The following TMEM232 variants were observed in gnomAD, a reference collection of about 807,000 sequenced individuals.
The protein encoded by TMEM232 is transmembrane protein 232.
Under a neutral mutation model 78.8 loss-of-function variants are expected in TMEM232, and 80 were observed. The observed-to-expected ratio is 1.01, with a 90% confidence interval of 0.85 to 1.22. The LOEUF (loss-of-function observed/expected upper bound fraction) is 1.22, where lower values mean the gene tolerates loss of function less well. TMEM232 is among the 50% of genes most tolerant of loss of function. TMEM232 has a pLI of 0.00. For synonymous variants in TMEM232, 297 were observed against 254.3 expected, an observed-to-expected ratio of 1.17 and a Z score of -1.60; for missense variants, 881 against 742.2, an observed-to-expected ratio of 1.19 and a Z score of -2.17.
At position 110,618,463 on chromosome 5, in the gene TMEM232, C is replaced by T. The variant is rs61978570; in HGVS notation, c.868G>A (p.Val290Ile). The T allele has an allele frequency of 0.019, 29,083 of 1,551,222 alleles. 327 individuals are homozygous for T. The highest frequency in any genetic ancestry group is 0.03 in the African/African-American group (2,164 of 73,092). The part of the protein sequence containing the change: ...PQLNNVLEHL[V>I]FHKTQLQKKC... ...TTTTGAAGCTGTGTCTTATGGAAGA[C>T]GAGATGTTCAAGCACGTTATTCAAC... Residue 290 changes from valine to isoleucine, a missense_variant, in exon 8 of 14, where the codon GTC (valine) becomes ATC (isoleucine). Physicochemically the swap from Val to Ile is conservative, Grantham distance 29. Transcript: ENST00000455884.
chr5:110,564,086 C>A (rs1473756089), intron 11 of TMEM232, among the ~76,000 whole-genome samples: 2 of 152,032 alleles, frequency 1.3e-5, no homozygotes, highest in African/African-American at 4.8e-5. Context: ...ATAAACTGGG[C>A]AGATTAAATT....
chr5:110,619,412 A>G (rs1014320235), intron 7 of TMEM232, among the ~76,000 whole-genome samples: 8 of 152,186 alleles, frequency 5.3e-5, no homozygotes, highest in South Asian at 4.1e-4. Flanking sequence ...AGTTTCTAAT[A>G]AAGTGTTTAG....
At position 110,427,213 on chromosome 5, in the gene TMEM232, T is replaced by C. The variant is rs149793393; in HGVS notation, c.1704-2297A>G. Among the ~76,000 whole-genome samples, 200 of 152,090 alleles carry C rather than the reference T, an allele frequency of 1.3e-3. 1 individual carries two copies. The highest frequency in any genetic ancestry group is 4.7e-3 in the African/African-American group (197 of 41,542). On this transcript the variant is annotated intron_variant, in intron 12 of 13. Transcript: ENST00000455884. ...CAAAGCAAATTCTGGTTTTACTACT[T>C]AGTGTTATTTAATCCCTCTGTTCTT...
At chr5:110,561,609 C>T (rs1187412305) in intron 11 of TMEM232, among the ~76,000 whole-genome samples, 1 of 151,930 alleles carries the variant, frequency 6.6e-6, no homozygotes, top group African/African-American at 2.4e-5. Context: ...TATCAAAAAC[C>T]CTTTTGTATG....
At chr5:110,630,788 A>G (rs961802437) in intron 5 of TMEM232, among the ~76,000 whole-genome samples, 2 of 152,134 alleles carry the variant, frequency 1.3e-5, no homozygotes, top group Non-Finnish European at 2.9e-5. Flanking sequence ...TCGGCTGGGA[A>G]CACATAGGGG....
chr5:110,601,288 G>A (rs759950278), intron 10 of TMEM232, among the ~76,000 whole-genome samples: 1 of 152,098 alleles, frequency 6.6e-6, no homozygotes, highest in South Asian at 2.1e-4. Flanking sequence ...CATAGTATTG[G>A]AAGTTCTGGC....
chr5:110,469,979 C>T (rs910856925), intron 12 of TMEM232, among the ~76,000 whole-genome samples: 1 of 152,102 alleles, frequency 6.6e-6, no homozygotes, highest in African/African-American at 2.4e-5. Context: ...CTCCCTGCCC[C>T]CCCGGAACCC....
At position 110,468,856 on chromosome 5, in the gene TMEM232, TAACTA is replaced by T. The variant is rs139518180; in HGVS notation, c.1704-43945_1704-43941del. ...ATTAACAACTATATTTGGATAAAAA[TAACTA>T]AAGGAGAGTACTGGAATATGTCAAA... On this transcript the variant is annotated intron_variant, in intron 12 of 13. Coordinates refer to ENST00000455884, the MANE Select transcript of TMEM232 (RefSeq NM_001039763.4). 1.5e-3 allele frequency among the ~76,000 whole-genome samples: 223 copies of T among 152,152 alleles called. 4 individuals are homozygous for T. The East Asian group carries it at 0.037, about 25-fold the overall frequency.
intron 10 of TMEM232, among the ~76,000 whole-genome samples, chr5:110,573,806 G>C (rs1777239945): frequency 6.6e-6 from 1 of 152,048 alleles, no homozygotes; most frequent in South Asian, 2.1e-4. Context: ...TCCAAGAGTG[G>C]AGGATGAAAA....
At chr5:110,399,725 G>A (rs774362508) in intron 2 of TMEM232, among the ~76,000 whole-genome samples, 19 of 152,008 alleles carry the variant, frequency 1.2e-4, no homozygotes, top group Non-Finnish European at 2.1e-4. Context: ...CATCAGCTTC[G>A]AAATGACTTC....
At chr5:110,479,375 A>G (rs142445381) in intron 12 of TMEM232, among the ~76,000 whole-genome samples, 3,304 of 151,916 alleles carry the variant, frequency 0.022, 38 homozygotes, top group Admixed American at 0.025. Flanking sequence ...AAGTGAATGC[A>G]TTCTATTAAA....
At chr5:110,534,980 C>G (rs1379971571) in intron 11 of TMEM232, among the ~76,000 whole-genome samples, 2 of 152,094 alleles carry the variant, frequency 1.3e-5, no homozygotes, top group African/African-American at 4.8e-5. Context: ...TATAAGTTCC[C>G]ACACCGCCCC....
intron 1 of TMEM232, among the ~76,000 whole-genome samples, chr5:110,716,756 T>C (rs1797057278): frequency 6.6e-6 from 1 of 152,116 alleles, no homozygotes; most frequent in Non-Finnish European, 1.5e-5. Context: ...TGTCACTCTT[T>C]TTGCCAACTA....
At chr5:110,696,978 C>T (rs1046380353) in intron 1 of TMEM232, among the ~76,000 whole-genome samples, 11 of 152,096 alleles carry the variant, frequency 7.2e-5, no homozygotes, top group African/African-American at 2.7e-4. Flanking sequence ...AGAAAAGAGC[C>T]CGCATTGCCA....
At chr5:110,409,681 T>A (rs1755917688) in intron 2 of TMEM232, among the ~76,000 whole-genome samples, 1 of 152,190 alleles carries the variant, frequency 6.6e-6, no homozygotes, top group Non-Finnish European at 1.5e-5. Flanking sequence ...TTGAGTATCT[T>A]TAGCTCTTGC....
At chr5:110,685,696 GC>G (rs1793311854) in intron 1 of TMEM232, among the ~76,000 whole-genome samples, 1 of 152,108 alleles carries the variant, frequency 6.6e-6, no homozygotes, top group Admixed American at 6.6e-5. Flanking sequence ...GTACAAGAAT[GC>G]CTATAGTACT....
chr5:110,673,454 TA>T (rs764050754), intron 1 of TMEM232, among the ~76,000 whole-genome samples: 51 of 147,228 alleles, frequency 3.5e-4, no homozygotes, highest in Admixed American at 5.4e-4. Flanking sequence ...AAAGTATAAC[TA>T]AAAAAAAAAG....
intron 7 of TMEM232, among the ~76,000 whole-genome samples, chr5:110,619,258 C>T (rs546993949): frequency 6.6e-6 from 1 of 152,212 alleles, no homozygotes; most frequent in East Asian, 1.9e-4. Context: ...TAAAATGAAA[C>T]ACTTAGAATC....
intron 12 of TMEM232, among the ~76,000 whole-genome samples, chr5:110,468,321 T>TAAAG (rs1166566402): frequency 1.3e-5 from 2 of 151,596 alleles, no homozygotes; most frequent in African/African-American, 4.9e-5. Context: ...ATAAAAAGTT[T>TAAAG]AAAGAATTTA....
Sources: allele counts gnomAD v4.1 joint callset (sites outside exome capture counted in the v4.1 genomes callset), GRCh38; gene constraint gnomAD v4.1.1; transcripts MANE v1.5; gene names NCBI Gene and HGNC (gene_info 2026-07-23, HGNC 2026-07-21).